RAB38: variants seen among roughly 807,000 people sequenced by gnomAD.
RAB38 encodes the protein RAB38, member RAS oncogene family, also known as ras-related protein Rab-38.
RAB38 carries 15 observed loss-of-function variants against 18.4 expected under a neutral mutation model. The observed-to-expected ratio is 0.82, with a 90% CI of 0.55 to 1.26. The LOEUF is 1.26. Among genes scored for constraint, RAB38 ranks in the 50% most tolerant of loss-of-function variants. The probability of loss-of-function intolerance (pLI) is 0.00; values close to 1 mark genes in which losing one functional copy is unlikely to be tolerated. For missense variants in RAB38, 294 were observed against 267.4 expected, an observed-to-expected ratio of 1.10 and a Z score of -0.69; for synonymous variants, 101 against 104.4, an observed-to-expected ratio of 0.97 and a Z score of 0.20.
Position 88,158,238 on chromosome 11 carries a change from TA to T in RAB38, c.203-8284del, listed in dbSNP as rs376179256. ...TGCCAAGATTGAATCAGAAAGGAAT[TA>T]AAACCCTGAATAGACCAATAATGAC... On this transcript the variant is annotated intron_variant, in intron 1 of 2. Coordinates refer to ENST00000243662, the MANE Select transcript of RAB38 (RefSeq NM_022337.3). Among the ~76,000 whole-genome samples the T allele has an allele frequency of 6.1e-3, 928 of 152,092 alleles. 10 individuals are homozygous for T. The highest frequency in any genetic ancestry group is 0.021 in the African/African-American group (884 of 41,510).
chr11:87,964,226 G>T, the RAB38 span, among the ~76,000 whole-genome samples: 3 of 152,084 alleles, frequency 2.0e-5, no homozygotes, highest in Admixed American at 6.5e-5. Flanking sequence ...ACCGATCTCA[G>T]CAAGATGCAA....
At chr11:88,098,145 T>C in the RAB38 span, 2 of 151,994 alleles carry the variant, frequency 1.3e-5, no homozygotes, top group South Asian at 4.1e-4. Context: ...GGCTTCCTGG[T>C]TTCTTGTCAG....
At chr11:87,911,782 C>T in the RAB38 span, among the ~76,000 whole-genome samples, 14 of 151,872 alleles carry the variant, frequency 9.2e-5, no homozygotes, top group African/African-American at 2.9e-4. Context: ...AATATGCATG[C>T]TTGCTGTGTT....
chr11:88,138,781 T>A (rs948506133), intron 2 of RAB38, among the ~76,000 whole-genome samples: 27 of 112,442 alleles, frequency 2.4e-4, no homozygotes, highest in African/African-American at 9.3e-4. Context: ...TATTATTCTT[T>A]TTTTTTTATT....
At chr11:87,955,393 C>CTGTT in the RAB38 span, among the ~76,000 whole-genome samples, 3 of 152,164 alleles carry the variant, frequency 2.0e-5, no homozygotes, top group Admixed American at 6.5e-5. Context: ...CATTGAAAAA[C>CTGTT]TGTTAGGTAC....
At chr11:87,846,753 T>C in the RAB38 span, among the ~76,000 whole-genome samples, 1 of 152,032 alleles carries the variant, frequency 6.6e-6, no homozygotes, top group African/African-American at 2.4e-5. Flanking sequence ...TGGTCTCAAG[T>C]ACATGAAATA....
chr11:88,149,973 T>G lies in RAB38; in HGVS notation c.203-18A>C. 6.3e-7 allele frequency: 1 copy of G among 1,588,216 alleles called. No individual in the cohort carries two copies. Among genetic ancestry groups the G allele is most frequent in the Non-Finnish European group, 8.6e-7 (1 of 1,168,908 alleles). ...TTCTTGACCTGACACCAAAAAGAAA[T>G]AAAAATAAAAATGTATTAAAATTGC... On this transcript the variant is annotated intron_variant, in intron 1 of 2. Transcript: ENST00000243662.
chr11:88,017,715 T>A, the RAB38 span, among the ~76,000 whole-genome samples: 3 of 145,232 alleles, frequency 2.1e-5, no homozygotes, highest in African/African-American at 7.7e-5. Flanking sequence ...TATATATATA[T>A]AATATATATT....
chr11:88,111,091 T>C (rs1942467690), downstream of RAB38, among the ~76,000 whole-genome samples: 1 of 152,240 alleles, frequency 6.6e-6, no homozygotes, highest in African/African-American at 2.4e-5. Context: ...CGTGATGCCA[T>C]AATTAATATT....
chr11:88,099,636 T>G, the RAB38 span, among the ~76,000 whole-genome samples: 1 of 151,846 alleles, frequency 6.6e-6, no homozygotes, highest in African/African-American at 2.4e-5. Flanking sequence ...CACATAGCCC[T>G]ACTCATGGGA....
At chr11:88,136,985 G>A (rs1019800478) in intron 2 of RAB38, among the ~76,000 whole-genome samples, 21 of 152,210 alleles carry the variant, frequency 1.4e-4, no homozygotes, top group African/African-American at 2.7e-4. Context: ...ACCCCTGTAG[G>A]TGATATGGAG....
chr11:88,020,685 C>T, the RAB38 span, among the ~76,000 whole-genome samples: 1 of 152,082 alleles, frequency 6.6e-6, no homozygotes, highest in Non-Finnish European at 1.5e-5. Context: ...TTCCCTTGAA[C>T]AGACCATATA....
At chr11:87,819,031 G>C in the RAB38 span, among the ~76,000 whole-genome samples, 3 of 152,172 alleles carry the variant, frequency 2.0e-5, no homozygotes, top group African/African-American at 7.2e-5. Flanking sequence ...TGATGAACTG[G>C]ATTCAAATGA....
At chr11:87,905,384 G>A in the RAB38 span, among the ~76,000 whole-genome samples, 263 of 149,614 alleles carry the variant, frequency 1.8e-3, no homozygotes, top group African/African-American at 6.2e-3. Context: ...ATACTTATAG[G>A]GCATATATTC....
rs192622314 is a variant in RAB38 at position 88,147,467 on chromosome 11, T to C, written c.483+2208A>G. On this transcript the variant is annotated intron_variant, in intron 2 of 2. Coordinates refer to ENST00000243662, the MANE Select transcript of RAB38 (RefSeq NM_022337.3). ...GCTTCTGAGCTGAGAGTGACATTTT[T>C]TGAAAGAAAGCAATTTGAAGGAACA... Among the ~76,000 whole-genome samples, 10 of 151,974 alleles carry C rather than the reference T, an allele frequency of 6.6e-5. 1 individual carries two copies. The East Asian group carries it at 1.9e-3, about 29-fold the overall frequency.
the RAB38 span, among the ~76,000 whole-genome samples, chr11:87,977,492 TATA>T: frequency 1.2e-5 from 1 of 82,202 alleles, no homozygotes; most frequent in East Asian, 3.2e-4. Context: ...TTATATATAA[TATA>T]ATTTTATATG....
chr11:88,144,202 G>A (rs1942952265), intron 2 of RAB38, among the ~76,000 whole-genome samples: 1 of 152,074 alleles, frequency 6.6e-6, no homozygotes, highest in Admixed American at 6.6e-5. Flanking sequence ...CTCCTTTTAT[G>A]TCCCTAAGTA....
intron 2 of RAB38, among the ~76,000 whole-genome samples, chr11:88,146,961 C>G (rs1316165675): frequency 6.6e-6 from 1 of 152,192 alleles, no homozygotes; most frequent in Non-Finnish European, 1.5e-5. Flanking sequence ...TAAGGTGGGT[C>G]AGCCAGTCCT....
chr11:87,812,041 G>T, the RAB38 span, among the ~76,000 whole-genome samples: 1 of 152,170 alleles, frequency 6.6e-6, no homozygotes, highest in South Asian at 2.1e-4. Flanking sequence ...TTTGCCAGAG[G>T]TCATACTATG....
Sources: gnomAD v4.1 joint callset for allele counts (sites outside exome capture counted in the v4.1 genomes callset) on GRCh38, gnomAD v4.1.1 for gene constraint, MANE v1.5 for transcripts, NCBI Gene and HGNC (gene_info 2026-07-23, HGNC 2026-07-21) for gene names.